The following RFTN2 variants were observed in gnomAD, a reference collection of about 807,000 sequenced individuals.
The protein encoded by RFTN2 is raftlin family member 2.
RFTN2 carries 34 observed loss-of-function variants against 52.7 expected under a neutral mutation model. That is an observed-to-expected ratio of 0.64 (90% CI 0.49 to 0.86). The LOEUF (loss-of-function observed/expected upper bound fraction) is 0.86, where lower values mean the gene tolerates loss of function less well. Ranked by LOEUF, RFTN2 falls within the 40% of genes least tolerant of loss-of-function variation. RFTN2 has a pLI of 0.00. For synonymous variants in RFTN2, 203 were observed against 217.7 expected (o/e 0.93, Z 0.59); for missense variants, 536 against 600.1 (o/e 0.89, Z 1.12).
At chr2:197,576,862 T>G (rs1362489522) in intron 8 of RFTN2, among the ~76,000 whole-genome samples, 3 of 152,296 alleles carry the variant, frequency 2.0e-5, no homozygotes, top group East Asian at 1.9e-4. Context: ...GGGAAAAAGT[T>G]GTGAAAGGAA....
chr2:197,582,567 C>T (rs1168028334), intron 8 of RFTN2, among the ~76,000 whole-genome samples: 1 of 152,240 alleles, frequency 6.6e-6, no homozygotes, highest in Non-Finnish European at 1.5e-5. Context: ...CTGCCCCCCT[C>T]CACTACCTCT....
At chr2:197,628,617 A>C (rs76029573) in intron 5 of RFTN2, among the ~76,000 whole-genome samples, 5 of 89,302 alleles carry the variant, frequency 5.6e-5, no homozygotes, top group Non-Finnish European at 1.1e-4. Context: ...GAAACAAGAG[A>C]GAAAGAGAAA....
chr2:197,571,939 T>TACA lies in RFTN2; in HGVS notation c.*66_*68dup. The stretch of plus-strand genomic sequence containing the variant: ...TATTACATAAATGCAGAGAAAGTAA[T>TACA]ACAATAAGGTCAGTTGGCAATGATT... On this transcript the variant is annotated 3_prime_UTR_variant, in exon 9 of 9. Transcript: ENST00000295049. 3.4e-6 allele frequency: 5 copies of TACA among 1,476,968 alleles called. No individual in the cohort carries two copies. In the South Asian group the frequency reaches 6.0e-5, roughly 18 times the overall value. The allele number at this position is 1,476,968 out of a possible 1,614,324, so 91.5% of individuals were successfully genotyped here. A position where few individuals can be genotyped will look rare whatever the true frequency, so the allele number is the denominator to read the frequency against.
chr2:197,568,562 T>C lies in RFTN2; in HGVS notation c.*3446A>G, dbSNP rs562375376. The C allele has an allele frequency of 1.8e-4, 27 of 152,374 alleles. No homozygotes were observed. Among genetic ancestry groups the C allele is most frequent in the African/African-American group, 6.3e-4 (26 of 41,590 alleles). The allele number at this position is 152,374 out of a possible 1,614,324, so 9.4% of individuals were successfully genotyped here. ...CAAGTTCTGATGAGTAACATTTAGC[T>C]AGTTTTTCTATGTATCCACTAGTAC... On this transcript the variant is annotated 3_prime_UTR_variant, in exon 9 of 9. Coordinates refer to ENST00000295049, the MANE Select transcript of RFTN2 (RefSeq NM_144629.3).
In RFTN2 at chr2:197,610,589, T is replaced by C. The variant is rs1183006177; in HGVS notation, c.1154+5287A>G. On this transcript the variant is annotated intron_variant, in intron 7 of 8. Transcript: ENST00000295049. ...ACAATTTGACCTCCTCATTTCCTAA[T>C]TGAATACCCTTTATTTCTTTCTCTT... Among the ~76,000 whole-genome samples, 6 of 152,338 alleles carry C rather than the reference T, an allele frequency of 3.9e-5. No homozygotes were observed. In the South Asian group the frequency reaches 8.3e-4, roughly 21 times the overall value.
At chr2:197,597,960 T>C (rs2087818895) in intron 7 of RFTN2, among the ~76,000 whole-genome samples, 1 of 152,128 alleles carries the variant, frequency 6.6e-6, no homozygotes, top group Non-Finnish European at 1.5e-5. Flanking sequence ...TAGTGAAATA[T>C]AGGGTGCAGT....
At chr2:197,669,002 ACTTC>A (rs1256685312) in intron 1 of RFTN2, among the ~76,000 whole-genome samples, 2 of 151,206 alleles carry the variant, frequency 1.3e-5, no homozygotes, top group Non-Finnish European at 3.0e-5. Context: ...AGGCTGCCTC[ACTTC>A]CTTCTCCTTC....
intron 7 of RFTN2, among the ~76,000 whole-genome samples, chr2:197,612,445 A>C (rs1182309120): frequency 6.6e-6 from 1 of 152,202 alleles, no homozygotes; most frequent in Non-Finnish European, 1.5e-5. Context: ...AACAGAGGGA[A>C]CTTTAGCTCC....
intron 7 of RFTN2, among the ~76,000 whole-genome samples, chr2:197,606,949 A>G (rs1243757144): frequency 6.6e-6 from 1 of 152,236 alleles, no homozygotes; most frequent in Non-Finnish European, 1.5e-5. Flanking sequence ...GGAACTAGAA[A>G]TACTATTTGA....
intron 7 of RFTN2, among the ~76,000 whole-genome samples, chr2:197,610,708 C>G (rs2088042941): frequency 6.6e-6 from 1 of 152,170 alleles, no homozygotes; most frequent in Admixed American, 6.5e-5. Flanking sequence ...AAAGGGAATG[C>G]TTCCAGTTTT....
chr2:197,647,867 TAAAAGG>T (rs2088775233), intron 1 of RFTN2, among the ~76,000 whole-genome samples: 1 of 152,152 alleles, frequency 6.6e-6, no homozygotes. Flanking sequence ...TTTAGAGTAG[TAAAAGG>T]AAAAGAGTGT....
At chr2:197,624,990 C>T (rs2088331204) in intron 5 of RFTN2, among the ~76,000 whole-genome samples, 3 of 152,048 alleles carry the variant, frequency 2.0e-5, no homozygotes, top group Admixed American at 2.0e-4. Context: ...ACAGCCACCC[C>T]CAACCTTCAG....
At chr2:197,618,954 T>TGGG (rs1186312655) in intron 5 of RFTN2, among the ~76,000 whole-genome samples, 1 of 141,336 alleles carries the variant, frequency 7.1e-6, no homozygotes, top group Non-Finnish European at 1.5e-5. Flanking sequence ...GGGAGGGAGG[T>TGGG]GGGGGGGTCA....
intron 1 of RFTN2, among the ~76,000 whole-genome samples, chr2:197,674,442 GTGAAT>G (rs2089190008): frequency 1.4e-5 from 2 of 147,316 alleles, no homozygotes; most frequent in African/African-American, 2.5e-5. Context: ...TAAACTTTTT[GTGAAT>G]TGATAAAATG....
intron 2 of RFTN2, among the ~76,000 whole-genome samples, chr2:197,646,042 T>C (rs983840531): frequency 6.6e-6 from 1 of 152,038 alleles, no homozygotes; most frequent in African/African-American, 2.4e-5. Flanking sequence ...AAAAAAAGTT[T>C]TAGAATGTAG....
Position 197,675,366 on chromosome 2 carries a change from C to G in RFTN2, c.93G>C (p.Lys31Asn), listed in dbSNP as rs776559454. Residue 31 changes from lysine to asparagine, a missense_variant, in exon 1 of 9, where the codon AAG becomes AAC. Physicochemically the swap from Lys to Asn is moderately conservative, Grantham distance 94. Transcript: ENST00000295049. ...ATACATATTCGTAAGCAAATTCTGT[C>G]TTTGTTTCCACTTGCGGTCTCTTCA... is the stretch of plus-strand genomic sequence containing the variant. Reference protein sequence around the residue: ...STLKRPQVETKTEFAYEYVLL... With the variant: ...STLKRPQVETNTEFAYEYVLL... 6.2e-7 allele frequency: 1 copy of G among 1,604,212 alleles called. No homozygotes were observed. The highest frequency in any genetic ancestry group is 8.5e-7 in the Non-Finnish European group (1 of 1,175,504).
chr2:197,582,627 G>A (rs570973087), intron 8 of RFTN2, among the ~76,000 whole-genome samples: 29 of 152,242 alleles, frequency 1.9e-4, no homozygotes, highest in Non-Finnish European at 3.8e-4. Flanking sequence ...CTTGCAAAGG[G>A]ACAATGCATC....
chr2:197,607,248 C>T (rs533369618), intron 7 of RFTN2, among the ~76,000 whole-genome samples: 36 of 152,194 alleles, frequency 2.4e-4, no homozygotes, highest in Non-Finnish European at 5.0e-4. Flanking sequence ...CCAAACACCG[C>T]ATGTTCTCAC....
At chr2:197,633,374 T>A (rs2088497252) in intron 4 of RFTN2, among the ~76,000 whole-genome samples, 1 of 152,182 alleles carries the variant, frequency 6.6e-6, no homozygotes, top group East Asian at 1.9e-4. Flanking sequence ...AGTACAAACA[T>A]AAATCAGAAC....
Sources: gnomAD v4.1 joint callset for allele counts (sites outside exome capture counted in the v4.1 genomes callset) on GRCh38, gnomAD v4.1.1 for gene constraint, MANE v1.5 for transcripts, NCBI Gene and HGNC (gene_info 2026-07-23, HGNC 2026-07-21) for gene names.